MEI4: variants seen among roughly 807,000 people sequenced by gnomAD.
MEI4 encodes meiotic double-stranded break formation protein 4.
In MEI4, 27 loss-of-function variants were observed where a neutral mutation model predicts 31.4. The observed-to-expected ratio is 0.86, with a 90% CI of 0.63 to 1.19. MEI4 has a LOEUF of 1.19. MEI4 is among the 50% of genes most tolerant of loss of function. The probability of loss-of-function intolerance (pLI) is 0.00; values close to 1 mark genes in which losing one functional copy is unlikely to be tolerated. For synonymous variants in MEI4, 122 were observed against 145.4 expected (o/e 0.84, Z 1.16); for missense variants, 329 against 398.9 (o/e 0.82, Z 1.49).
At position 77,847,218 on chromosome 6, in the gene MEI4, T is replaced by C. The variant is rs527384562; in HGVS notation, c.900+18156T>C. 6.6e-6 allele frequency among the ~76,000 whole-genome samples: 1 copy of C among 152,212 alleles called. No individual in the cohort carries two copies. Among genetic ancestry groups the C allele is most frequent in the East Asian group, 1.9e-4 (1 of 5,182 alleles). On this transcript the variant is annotated intron_variant, in intron 4 of 4. Transcript: ENST00000684080. The surrounding 1 kb of genome is among the most constrained non-coding windows in gnomAD (Gnocchi z 4.6). ...ATGGAGCCAGTATATACAGAACAAATAGTTGTGGAAGATCCAGGTGTACGG... is the reference window on the plus strand; with the variant it reads ...ATGGAGCCAGTATATACAGAACAAACAGTTGTGGAAGATCCAGGTGTACGG...
In MEI4 at chr6:77,924,942, G is replaced by GAAGT. The variant is rs1314027548; in HGVS notation, c.*1598_*1601dup. The GAAGT allele has an allele frequency of 9.2e-5, 14 of 152,016 alleles. No individual in the cohort carries two copies. Among genetic ancestry groups the GAAGT allele is most frequent in the African/African-American group, 3.4e-4 (14 of 41,536 alleles). 9.4% of individuals were successfully genotyped at this position (152,016 alleles called of 1,614,324 possible). On this transcript the variant is annotated 3_prime_UTR_variant, in exon 5 of 5. Transcript: ENST00000684080. ...CACAACAAGTACCAGTTGAATACAA[G>GAAGT]AAGTATATTCCAAATCTTGGATTAG...
In MEI4 at chr6:77,925,868, T is replaced by TA. The variant is rs1366850820; in HGVS notation, c.*2523dup. The TA allele has an allele frequency of 6.7e-6, 1 of 149,978 alleles. No homozygotes were observed. Among genetic ancestry groups the TA allele is most frequent in the Admixed American group, 6.7e-5 (1 of 14,908 alleles). The allele number at this position is 149,978 out of a possible 1,614,324, so 9.3% of individuals were successfully genotyped here. On this transcript the variant is annotated 3_prime_UTR_variant, in exon 5 of 5. Transcript: ENST00000684080. ...AGTAATATTATACATATATATACGA[T>TA]ATGTATAATAAATACCAAATAGCCA... is the stretch of plus-strand genomic sequence containing the variant.
intron 2 of MEI4, among the ~76,000 whole-genome samples, chr6:77,736,605 C>T (rs1767241772): frequency 6.6e-6 from 1 of 152,096 alleles, no homozygotes; most frequent in African/African-American, 2.4e-5. Context: ...CTGCGTCGCT[C>T]ATGCTGGGAG....
intron 1 of MEI4, among the ~76,000 whole-genome samples, chr6:77,660,159 G>A (rs547180095): frequency 1.0e-3 from 155 of 152,130 alleles, no homozygotes; most frequent in Non-Finnish European, 1.6e-3. Context: ...GGCACTGGAA[G>A]AAAGGGAAAT....
chr6:77,864,380 A>AGCAAT (rs1360421399), intron 4 of MEI4, among the ~76,000 whole-genome samples: 2 of 152,180 alleles, frequency 1.3e-5, no homozygotes, highest in Admixed American at 1.3e-4. Flanking sequence ...AAAGGGATGG[A>AGCAAT]GGAAGATCTA....
At chr6:77,726,668 A>G (rs542658997) in intron 2 of MEI4, among the ~76,000 whole-genome samples, 8 of 152,276 alleles carry the variant, frequency 5.3e-5, no homozygotes, top group African/African-American at 1.9e-4. Context: ...TAAAATCTAC[A>G]CCAGTTGTGT....
chr6:77,747,778 T>A (rs892415425), intron 2 of MEI4, among the ~76,000 whole-genome samples: 2 of 152,198 alleles, frequency 1.3e-5, no homozygotes, highest in African/African-American at 2.4e-5. Flanking sequence ...TACTAAAAAA[T>A]TCACAGTCCA....
intron 4 of MEI4, among the ~76,000 whole-genome samples, chr6:77,896,001 C>T (rs1317912882): frequency 6.6e-6 from 1 of 152,044 alleles, no homozygotes; most frequent in Non-Finnish European, 1.5e-5. Flanking sequence ...ATTTACTTTT[C>T]ATATGTGCTT....
At chr6:77,783,501 T>C (rs1768647985) in intron 3 of MEI4, among the ~76,000 whole-genome samples, 1 of 152,180 alleles carries the variant, frequency 6.6e-6, no homozygotes, top group Non-Finnish European at 1.5e-5. Flanking sequence ...GTATGTATTT[T>C]TTTTCTTGGC....
chr6:77,666,029 A>T (rs914580033), intron 1 of MEI4, among the ~76,000 whole-genome samples: 2 of 152,212 alleles, frequency 1.3e-5, no homozygotes, highest in Admixed American at 6.5e-5. Flanking sequence ...GAGACCACCA[A>T]ACAGGCTTTG....
chr6:77,876,348 T>A (rs1441335787), intron 4 of MEI4, among the ~76,000 whole-genome samples: 1 of 152,138 alleles, frequency 6.6e-6, no homozygotes, highest in East Asian at 1.9e-4. Flanking sequence ...AATAGGTTAA[T>A]TATCATAGGA....
chr6:77,802,626 G>T (rs1769299731), intron 3 of MEI4, among the ~76,000 whole-genome samples: 1 of 152,160 alleles, frequency 6.6e-6, no homozygotes, highest in Non-Finnish European at 1.5e-5. Context: ...TCCTTTCCAT[G>T]TGTAGTGTTT....
chr6:77,841,331 A>ATTTTTTTTT (rs1562008564), intron 4 of MEI4, among the ~76,000 whole-genome samples: 25 of 35,440 alleles, frequency 7.1e-4, no homozygotes, highest in African/African-American at 6.7e-3. Flanking sequence ...ATATATATAT[A>ATTTTTTTTT]TATTTTTTTT....
rs567812552 is a variant in MEI4, at chr6:77,891,892, G to A, written c.901-31197G>A. Among the ~76,000 whole-genome samples, 12 of 152,312 alleles carry A rather than the reference G, an allele frequency of 7.9e-5. No homozygotes were observed. The South Asian group carries it at 2.5e-3, about 32-fold the overall frequency. ...ATGATTTGAGGCAGCTGTAATCAATGTCAAGTTTGTCTGTGTCTTCCTCAT... is the reference window on the plus strand; with the variant it reads ...ATGATTTGAGGCAGCTGTAATCAATATCAAGTTTGTCTGTGTCTTCCTCAT... On this transcript the variant is annotated intron_variant, in intron 4 of 4. Coordinates refer to ENST00000684080, the MANE Select transcript of MEI4 (RefSeq NM_001322247.2).
At chr6:77,746,218 C>T (rs1466453285) in intron 2 of MEI4, among the ~76,000 whole-genome samples, 1 of 152,132 alleles carries the variant, frequency 6.6e-6, no homozygotes, top group African/African-American at 2.4e-5. Flanking sequence ...AATTGATAGA[C>T]CGCTAGCAAG....
intron 2 of MEI4, 60 bp downstream of exon 2, chr6:77,690,963 A>G (rs1382053661): frequency 2.3e-6 from 2 of 884,124 alleles, no homozygotes; most frequent in African/African-American, 1.7e-5. Context: ...CAGTTGCACA[A>G]TTATTTAGAA....
chr6:77,799,277 T>A (rs1487896275), intron 3 of MEI4, among the ~76,000 whole-genome samples: 2 of 152,240 alleles, frequency 1.3e-5, no homozygotes, highest in Non-Finnish European at 2.9e-5. Flanking sequence ...GTTTTTTGGC[T>A]GCATAAATGT....
intron 4 of MEI4, among the ~76,000 whole-genome samples, chr6:77,902,173 C>T (rs1766199481): frequency 6.6e-6 from 1 of 151,958 alleles, no homozygotes; most frequent in South Asian, 2.1e-4. Flanking sequence ...TTTAAGATTG[C>T]TTTGGCTATT....
At chr6:77,743,310 G>C (rs926304233) in intron 2 of MEI4, among the ~76,000 whole-genome samples, 1 of 152,116 alleles carries the variant, frequency 6.6e-6, no homozygotes, top group Non-Finnish European at 1.5e-5. Context: ...GCAGTGGTTT[G>C]TAGTTCTCCT....
Sources: gnomAD v4.1 joint callset for allele counts (sites outside exome capture counted in the v4.1 genomes callset) on GRCh38, gnomAD v4.1.1 for gene constraint, Gnocchi (gnomAD v3.1) non-coding constraint, MANE v1.5 for transcripts, NCBI Gene and HGNC (gene_info 2026-07-23, HGNC 2026-07-21) for gene names.